The following TTI1 variants were observed in gnomAD, a reference collection of about 807,000 sequenced individuals.
TTI1 encodes the protein TELO2-interacting protein 1 homolog.
Under a neutral mutation model 85.4 loss-of-function variants are expected in TTI1, and 52 were observed. The ratio of observed to expected loss-of-function variants is 0.61; its 90% CI spans 0.49 to 0.77. TTI1 has a LOEUF of 0.77. Among genes scored for constraint, TTI1 ranks in the 30% least tolerant of loss-of-function variants. TTI1 has a pLI of 0.00. For synonymous variants in TTI1, 512 were observed against 503.9 expected (o/e 1.02, Z -0.22); for missense variants, 1,173 against 1,296.0 (o/e 0.91, Z 1.46).
chr20:38,005,879 G>A (rs2073490333), intron 3 of TTI1: 1 of 323,178 alleles, frequency 3.1e-6, no homozygotes, highest in Admixed American at 4.7e-5. Flanking sequence ...TATTAAGCCA[G>A]AAGCAACCTA....
rs2073600748 is a variant in TTI1 at position 38,012,029 on chromosome 20, C to T, written c.1788G>A (p.Thr596=). 3.7e-6 allele frequency: 6 copies of T among 1,614,184 alleles called. No homozygotes were observed. The highest frequency in any genetic ancestry group is 1.3e-5 in the African/African-American group (1 of 75,050). The change falls in exon 2 of 8, where the codon ACG becomes ACA. Residue 596 remains threonine (T), a synonymous_variant. Transcript: ENST00000373447. The part of the protein sequence containing the change: ...MMEHPGLQAI[T]SGEHTCQVTS... ...TAACTTGGCAGGTGTGTTCACCAGACGTGATGGCTTGGAGGCCTGGGTGCT... is the reference window on the plus strand; with the variant it reads ...TAACTTGGCAGGTGTGTTCACCAGATGTGATGGCTTGGAGGCCTGGGTGCT...
chr20:37,997,057 A>G (rs1248863049), intron 5 of TTI1, 104 bp from the exon 6 acceptor site: 2 of 1,218,500 alleles, frequency 1.6e-6, no homozygotes, highest in Non-Finnish European at 2.2e-6. Context: ...GCTTGGGGGA[A>G]AAAAAAAATA....
intron 6 of TTI1, 111 bp downstream of exon 6, chr20:37,996,638 A>C: frequency 1.4e-6 from 2 of 1,408,816 alleles, no homozygotes; most frequent in Non-Finnish European, 2.0e-6. Flanking sequence ...ATAAGACGGA[A>C]GGAGGTACAC....
intron 2 of TTI1, among the ~76,000 whole-genome samples, chr20:38,006,912 G>T (rs915235261): frequency 4.6e-5 from 7 of 152,250 alleles, no homozygotes; most frequent in South Asian, 2.1e-4. Context: ...GCCCAGTGTG[G>T]GTTCCAGCAT....
intron 1 of TTI1, among the ~76,000 whole-genome samples, chr20:38,025,595 G>C (rs1341634690): frequency 6.6e-6 from 1 of 151,348 alleles, no homozygotes; most frequent in Non-Finnish European, 1.5e-5. Context: ...AAGAAAAAAA[G>C]ACAATCAACA....
intron 1 of TTI1, among the ~76,000 whole-genome samples, chr20:38,017,178 C>T (rs929071499): frequency 6.6e-6 from 1 of 152,156 alleles, no homozygotes; most frequent in African/African-American, 2.4e-5. Flanking sequence ...TACCTAGAAG[C>T]TACAAGAGCA....
intron 1 of TTI1, among the ~76,000 whole-genome samples, chr20:38,024,684 C>T (rs78883840): frequency 4.6e-5 from 7 of 152,166 alleles, no homozygotes; most frequent in Non-Finnish European, 7.4e-5. Context: ...CCTCCACCCA[C>T]GGTGGCAAAG....
chr20:38,020,309 TGAAAA>T (rs1163288552), intron 1 of TTI1, among the ~76,000 whole-genome samples: 4 of 46,718 alleles, frequency 8.6e-5, no homozygotes, highest in African/African-American at 2.2e-4. Flanking sequence ...GCTACTCATA[TGAAAA>T]AAAAAAAAAA....
At position 38,013,613 on chromosome 20, in the gene TTI1, C is replaced by T. The variant is rs145655727; in HGVS notation, c.204G>A (p.Glu68=). The T allele has an allele frequency of 5.6e-6, 9 of 1,614,218 alleles. No homozygotes were observed. The highest frequency in any genetic ancestry group is 2.2e-5 in the South Asian group (2 of 91,082). ...FTLKTPGPKR[E]RLIQSVVECL... is the part of the protein sequence containing the mutation. ...ATTCCACCACACTTTGGATCAAACG[C>T]TCTCTTTTGGGACCTGGGGTCTTCA... Residue 68 remains glutamate, a synonymous_variant, in exon 2 of 8, where the codon GAG becomes GAA. Coordinates refer to ENST00000373447, the MANE Select transcript of TTI1 (RefSeq NM_001303457.2).
chr20:38,020,061 C>A (rs971535634), intron 1 of TTI1, among the ~76,000 whole-genome samples: 1 of 151,920 alleles, frequency 6.6e-6, no homozygotes, highest in African/African-American at 2.4e-5. Context: ...ATAGAAAAGA[C>A]AATCTTCAAA....
At chr20:38,028,720 G>GT (rs1397832431) in intron 1 of TTI1, among the ~76,000 whole-genome samples, 2 of 152,020 alleles carry the variant, frequency 1.3e-5, no homozygotes, top group African/African-American at 2.4e-5. Flanking sequence ...GTTGTTATTT[G>GT]TTTTTTTAGA....
chr20:38,033,184 C>A (rs754322311), intron 1 of TTI1, among the ~76,000 whole-genome samples: 13 of 152,106 alleles, frequency 8.5e-5, no homozygotes, highest in Non-Finnish European at 1.9e-4. Flanking sequence ...GAAAAGGGCA[C>A]GTGGGTGGCT....
At chr20:38,018,288 TA>T (rs753805653) in intron 1 of TTI1, among the ~76,000 whole-genome samples, 4 of 151,846 alleles carry the variant, frequency 2.6e-5, no homozygotes, top group Admixed American at 1.3e-4. Context: ...CTGAAATCTA[TA>T]AAAAAAATCA....
chr20:37,987,407 T>C (rs1017618346), intron 7 of TTI1: 4 of 452,698 alleles, frequency 8.8e-6, no homozygotes, highest in African/African-American at 6.0e-5. Flanking sequence ...CTGTTGAACA[T>C]ACCAAATGGC....
chr20:37,985,036 C>G (rs1160437074), intron 7 of TTI1, among the ~76,000 whole-genome samples: 2 of 152,206 alleles, frequency 1.3e-5, no homozygotes, highest in Non-Finnish European at 1.5e-5. Flanking sequence ...AGGGGTTAAA[C>G]TCTCACCACC....
intron 1 of TTI1, among the ~76,000 whole-genome samples, chr20:38,017,168 T>C (rs2073694545): frequency 6.6e-6 from 1 of 152,170 alleles, no homozygotes; most frequent in African/African-American, 2.4e-5. Flanking sequence ...GGCAATCCTA[T>C]ACCTAGAAGC....
intron 1 of TTI1, among the ~76,000 whole-genome samples, chr20:38,017,435 T>TGCGCGC (rs1555795336): frequency 6.8e-6 from 1 of 146,132 alleles, no homozygotes; most frequent in African/African-American, 2.6e-5. Context: ...TGTGTGTGTG[T>TGCGCGC]GCGCGCGCGC....
chr20:38,032,561 G>T (rs1418908286), intron 1 of TTI1, among the ~76,000 whole-genome samples: 1 of 152,136 alleles, frequency 6.6e-6, no homozygotes, highest in East Asian at 1.9e-4. Flanking sequence ...AAAAAAAATA[G>T]GGTCAAGGTT....
Position 38,013,417 on chromosome 20 carries a change from C to T in TTI1, c.400G>A (p.Ala134Thr), listed in dbSNP as rs2073633636. The stretch of plus-strand genomic sequence containing the variant: ...AAAGTCAGAATGATGTCCCCATAAG[C>T]TGAGTGCATTAATGTGCTAAGTCCC... ...IQGLSTLMHS[A>T]YGDIILTFYE... Residue 134 changes from alanine to threonine, a missense_variant, in exon 2 of 8, where the codon GCT (alanine) becomes ACT (threonine). Physicochemically the swap from Ala to Thr is moderately conservative, Grantham distance 58 (BLOSUM62 0). Coordinates refer to ENST00000373447, the MANE Select transcript of TTI1 (RefSeq NM_001303457.2). The T allele has an allele frequency of 6.2e-7, 1 of 1,614,054 alleles. No individual in the cohort carries two copies. Among genetic ancestry groups the T allele is most frequent in the Non-Finnish European group, 8.5e-7 (1 of 1,180,050 alleles).
Sources: allele counts gnomAD v4.1 joint callset (sites outside exome capture counted in the v4.1 genomes callset), GRCh38; gene constraint gnomAD v4.1.1; transcripts MANE v1.5; gene names NCBI Gene and HGNC (gene_info 2026-07-23, HGNC 2026-07-21).